The following CATSPERT variants were observed in gnomAD, a reference collection of about 807,000 sequenced individuals.
CATSPERT encodes the protein cation channel sperm-associated targeting subunit tau.
At chr2:201,577,647 C>G in the CATSPERT span, among the ~76,000 whole-genome samples, 1 of 152,090 alleles carries the variant, frequency 6.6e-6, no homozygotes, top group South Asian at 2.1e-4. Flanking sequence ...GAAAGACAAA[C>G]ACTGTATGAT....
At chr2:201,519,205 C>A in the CATSPERT span, among the ~76,000 whole-genome samples, 1 of 152,154 alleles carries the variant, frequency 6.6e-6, no homozygotes, top group African/African-American at 2.4e-5. Flanking sequence ...AGCAAAGCCG[C>A]ACCACCACTG....
chr2:201,604,317 C>G, the CATSPERT span, among the ~76,000 whole-genome samples: 26 of 152,202 alleles, frequency 1.7e-4, no homozygotes, highest in South Asian at 5.0e-3. Flanking sequence ...CCAGGCTCCT[C>G]TCCTAGAGAT....
At chr2:201,561,730 CG>C in the CATSPERT span, among the ~76,000 whole-genome samples, 10 of 151,810 alleles carry the variant, frequency 6.6e-5, no homozygotes, top group African/African-American at 2.4e-4. Context: ...AAAAATTAGC[CG>C]GGCATGGTGG....
At chr2:201,564,121 T>C in the CATSPERT span, among the ~76,000 whole-genome samples, 1 of 152,210 alleles carries the variant, frequency 6.6e-6, no homozygotes, top group Non-Finnish European at 1.5e-5. Flanking sequence ...AGTTACCTCA[T>C]GTGCCTCACA....
the CATSPERT span, among the ~76,000 whole-genome samples, chr2:201,521,659 C>T: frequency 6.6e-6 from 1 of 152,176 alleles, no homozygotes; most frequent in East Asian, 1.9e-4. Flanking sequence ...ATGAGACCAG[C>T]ATCACCCTGA....
At chr2:201,560,501 G>A in the CATSPERT span, among the ~76,000 whole-genome samples, 4 of 150,748 alleles carry the variant, frequency 2.7e-5, no homozygotes, top group Non-Finnish European at 5.9e-5. Flanking sequence ...ATAATGAAAT[G>A]TACAATAGAG....
the CATSPERT span, among the ~76,000 whole-genome samples, chr2:201,542,548 T>C: frequency 2.0e-4 from 30 of 152,192 alleles, no homozygotes; most frequent in African/African-American, 6.5e-4. Context: ...TTTTCAATAA[T>C]AGCCATCTTA....
the CATSPERT span, chr2:201,511,891 A>G: frequency 2.0e-5 from 3 of 150,876 alleles, no homozygotes; most frequent in Admixed American, 6.6e-5. Flanking sequence ...TTTAACTTCA[A>G]ACAACTCCGA....
At chr2:201,557,393 T>C in the CATSPERT span, 1 of 152,214 alleles carries the variant, frequency 6.6e-6, no homozygotes, top group African/African-American at 2.4e-5. Flanking sequence ...CTATTTTATA[T>C]ATTGCATTGG....
At chr2:201,619,016 C>T in the CATSPERT span, 1 of 1,614,120 alleles carries the variant, frequency 6.2e-7, no homozygotes, top group Admixed American at 1.7e-5. Flanking sequence ...TGCATGATAT[C>T]CGGGCTGCTG....
chr2:201,603,210 A>C, the CATSPERT span: 1 of 1,607,366 alleles, frequency 6.2e-7, no homozygotes, highest in South Asian at 1.1e-5. Context: ...TTCTTAAATC[A>C]AAAGAAAGGA....
At chr2:201,599,453 C>T in the CATSPERT span, among the ~76,000 whole-genome samples, 1 of 152,050 alleles carries the variant, frequency 6.6e-6, no homozygotes, top group Non-Finnish European at 1.5e-5. Flanking sequence ...TCATACTTCT[C>T]GCCATTCCTC....
At chr2:201,611,104 A>G in the CATSPERT span, among the ~76,000 whole-genome samples, 2 of 152,212 alleles carry the variant, frequency 1.3e-5, no homozygotes, top group Non-Finnish European at 2.9e-5. Context: ...TGAAAGTCCC[A>G]GCCAGAGTAA....
the CATSPERT span, chr2:201,545,573 C>T: frequency 1.4e-6 from 2 of 1,425,648 alleles, no homozygotes; most frequent in Non-Finnish European, 1.8e-6. Flanking sequence ...AGCTCCTCTT[C>T]AGGATGATTA....
chr2:201,532,472 G>T, the CATSPERT span, among the ~76,000 whole-genome samples: 1 of 152,244 alleles, frequency 6.6e-6, no homozygotes, highest in African/African-American at 2.4e-5. Context: ...TCTAAGTGAA[G>T]TAAGTTTTTA....
the CATSPERT span, among the ~76,000 whole-genome samples, chr2:201,580,794 G>A: frequency 2.6e-5 from 4 of 152,252 alleles, no homozygotes; most frequent in South Asian, 6.2e-4. Context: ...ATGAGCTGCC[G>A]GAAAGTGAAA....
the CATSPERT span, among the ~76,000 whole-genome samples, chr2:201,507,098 T>C: frequency 6.6e-6 from 1 of 152,212 alleles, no homozygotes; most frequent in Non-Finnish European, 1.5e-5. Flanking sequence ...CTGTGCTTAA[T>C]GGATGACATG....
chr2:201,566,843 A>G, the CATSPERT span, among the ~76,000 whole-genome samples: 1 of 152,070 alleles, frequency 6.6e-6, no homozygotes, highest in Admixed American at 6.5e-5. Context: ...AATTTTTTGG[A>G]ATGTATTTTG....
chr2:201,565,862 T>C, the CATSPERT span: 1 of 1,577,798 alleles, frequency 6.3e-7, no homozygotes, highest in Non-Finnish European at 8.6e-7. Flanking sequence ...GTCTGTGGTG[T>C]AATAACTTTT....
Sources: gnomAD v4.1 joint callset for allele counts (sites outside exome capture counted in the v4.1 genomes callset) on GRCh38, gnomAD v4.1.1 for gene constraint, MANE v1.5 for transcripts, NCBI Gene and HGNC (gene_info 2026-07-23, HGNC 2026-07-21) for gene names.